DTNA: variants seen among roughly 807,000 people sequenced by gnomAD.
The protein encoded by DTNA is dystrophin-related protein 3.
A neutral mutation model predicts 100.7 loss-of-function variants in DTNA; 43 were observed. That is an observed-to-expected ratio of 0.43 (90% CI 0.33 to 0.55). The LOEUF is 0.55. DTNA is among the 20% of genes least tolerant of loss of function. The pLI is 0.04. For missense variants in DTNA, 798 were observed against 953.9 expected, an observed-to-expected ratio of 0.84 and a Z score of 2.15; for synonymous variants, 349 against 347.9, an observed-to-expected ratio of 1.00 and a Z score of -0.04.
intron 1 of DTNA, among the ~76,000 whole-genome samples, chr18:34,537,379 T>C (rs1280008041): frequency 6.6e-6 from 1 of 151,778 alleles, no homozygotes; most frequent in Non-Finnish European, 1.5e-5. Flanking sequence ...AATATGAATA[T>C]CACAAGAAAA....
intron 1 of DTNA, among the ~76,000 whole-genome samples, chr18:34,555,158 T>G (rs1192439548): frequency 7.3e-6 from 1 of 136,520 alleles, no homozygotes; most frequent in Non-Finnish European, 1.6e-5. Context: ...CTAGTTTATT[T>G]GCGTAGAGGT....
At chr18:34,675,614 A>G (rs1026097807) in intron 1 of DTNA, among the ~76,000 whole-genome samples, 2 of 152,198 alleles carry the variant, frequency 1.3e-5, no homozygotes, top group Non-Finnish European at 2.9e-5. Context: ...TTCTTTTACT[A>G]CATTCTTGCT....
In DTNA at chr18:34,888,908, A is replaced by T; in HGVS notation, c.*1174A>T. The T allele has an allele frequency of 1.0e-6, 1 of 985,904 alleles. No individual in the cohort carries two copies. Among genetic ancestry groups the T allele is most frequent in the South Asian group, 4.7e-5 (1 of 21,290 alleles). The allele number at this position is 985,904 out of a possible 1,614,324, so 61.1% of individuals were successfully genotyped here. The stretch of plus-strand genomic sequence containing the variant: ...CTTAGCTGGCCACCTGGTGTTCTGC[A>T]TGTAGCCTTCTGTGGTCATGTGAAA... On this transcript the variant is annotated 3_prime_UTR_variant, in exon 23 of 23. Transcript: ENST00000444659.
chr18:34,512,538 C>T (rs2041195381), intron 1 of DTNA, among the ~76,000 whole-genome samples: 1 of 152,002 alleles, frequency 6.6e-6, no homozygotes, highest in African/African-American at 2.4e-5. Flanking sequence ...ATTAACCTTC[C>T]ATCTTTTATG....
In DTNA at chr18:34,584,610, G is replaced by C. The variant is rs868313308; in HGVS notation, c.-2+91096G>C. ...AGTTTGAGTCTCAAGGTTAGTTTCA[G>C]AATAAAAGAACAGAAGAAATAGAGG... On this transcript the variant is annotated intron_variant, in intron 1 of 19. Coordinates refer to the DTNA transcript ENST00000283365. 2.0e-5 allele frequency among the ~76,000 whole-genome samples: 3 copies of C among 152,236 alleles called. No individual in the cohort carries two copies. The South Asian group carries it at 6.2e-4, about 32-fold the overall frequency.
chr18:34,773,851 G>C (rs1601790334), intron 3 of DTNA, among the ~76,000 whole-genome samples: 2 of 152,172 alleles, frequency 1.3e-5, no homozygotes, highest in East Asian at 3.8e-4. Flanking sequence ...TTTAATTAAA[G>C]CTGCTTCTTC....
intron 11 of DTNA, among the ~76,000 whole-genome samples, chr18:34,833,130 C>T (rs183906815): frequency 8.5e-5 from 13 of 152,054 alleles, no homozygotes; most frequent in African/African-American, 3.1e-4. Context: ...TGCAGCCAGG[C>T]CTTTAATATC....
At chr18:34,779,901 G>A (rs1189312455) in intron 3 of DTNA, among the ~76,000 whole-genome samples, 31 of 152,024 alleles carry the variant, frequency 2.0e-4, no homozygotes, top group Admixed American at 2.0e-3. Flanking sequence ...ACAATCCAAC[G>A]AATGTGTTCT....
At chr18:34,874,616 A>G (rs930022859) in intron 17 of DTNA, among the ~76,000 whole-genome samples, 5 of 152,022 alleles carry the variant, frequency 3.3e-5, no homozygotes, top group African/African-American at 1.2e-4. Context: ...AAATAATACC[A>G]AAAAATTAGA....
intron 7 of DTNA, among the ~76,000 whole-genome samples, chr18:34,817,196 A>G (rs1218239529): frequency 6.6e-6 from 1 of 152,220 alleles, no homozygotes; most frequent in Admixed American, 6.5e-5. Context: ...AAGAGCCGGG[A>G]AGAAAGGTTA....
chr18:34,817,483 A>G (rs2095620511), intron 7 of DTNA, among the ~76,000 whole-genome samples: 1 of 152,096 alleles, frequency 6.6e-6, no homozygotes, highest in Admixed American at 6.6e-5. Context: ...TTCCTACCAA[A>G]GAAAGTTAAC....
chr18:34,617,718 G>A (rs1397170481), intron 1 of DTNA, among the ~76,000 whole-genome samples: 1 of 152,080 alleles, frequency 6.6e-6, no homozygotes, highest in African/African-American at 2.4e-5. Context: ...TTCTTTACAT[G>A]TCTGGTAGAA....
intron 3 of DTNA, among the ~76,000 whole-genome samples, chr18:34,788,683 A>G (rs983363447): frequency 2.6e-5 from 4 of 152,372 alleles, no homozygotes; most frequent in Admixed American, 2.6e-4. Context: ...GGTAAAATCA[A>G]CTTAAACTCC....
intron 14 of DTNA, among the ~76,000 whole-genome samples, chr18:34,849,683 G>A (rs1194861833): frequency 6.6e-6 from 1 of 152,178 alleles, no homozygotes; most frequent in African/African-American, 2.4e-5. Context: ...TAGATGTCAG[G>A]ACTTACAAAT....
At chr18:34,634,186 C>CAA (rs2058402540) in intron 1 of DTNA, among the ~76,000 whole-genome samples, 1 of 152,130 alleles carries the variant, frequency 6.6e-6, no homozygotes, top group African/African-American at 2.4e-5. Flanking sequence ...TTCTCGAAAG[C>CAA]ATTTACTCCT....
chr18:34,640,891 A>G (rs997563308), intron 1 of DTNA, among the ~76,000 whole-genome samples: 1 of 152,194 alleles, frequency 6.6e-6, no homozygotes, highest in Non-Finnish European at 1.5e-5. Flanking sequence ...TTGCATAGAA[A>G]GGACTAATTG....
chr18:34,551,322 A>G (rs1389353982), intron 1 of DTNA, among the ~76,000 whole-genome samples: 1 of 152,026 alleles, frequency 6.6e-6, no homozygotes. Context: ...TCCAAACTAT[A>G]TCCCACAGGT....
chr18:34,680,542 G>A (rs2077965032), intron 1 of DTNA, among the ~76,000 whole-genome samples: 1 of 152,150 alleles, frequency 6.6e-6, no homozygotes, highest in South Asian at 2.1e-4. Flanking sequence ...ATTGGCCACT[G>A]TCTAAATCTA....
chr18:34,830,888 A>C (rs576315954), intron 11 of DTNA, among the ~76,000 whole-genome samples: 5 of 152,340 alleles, frequency 3.3e-5, no homozygotes, highest in African/African-American at 1.2e-4. Context: ...ACCACTGGGG[A>C]AAGAGCTCTA....
Sources: gnomAD v4.1 joint callset for allele counts (sites outside exome capture counted in the v4.1 genomes callset) on GRCh38, gnomAD v4.1.1 for gene constraint, MANE v1.5 for transcripts, NCBI Gene and HGNC (gene_info 2026-07-23, HGNC 2026-07-21) for gene names.